PKD2: variants seen among roughly 807,000 people sequenced by gnomAD.
PKD2 encodes polycystin-2.
A neutral mutation model predicts 105.9 loss-of-function variants in PKD2; 48 were observed. The observed-to-expected ratio is 0.45, with a 90% confidence interval of 0.36 to 0.58. The LOEUF is 0.58. Among genes scored for constraint, PKD2 ranks in the 20% least tolerant of loss-of-function variants. The pLI, the probability that PKD2 is intolerant of heterozygous loss-of-function variation, is 0.00. For synonymous variants in PKD2, 464 were observed against 481.1 expected (o/e 0.96, Z 0.46); for missense variants, 1,078 against 1,255.3 (o/e 0.86, Z 2.13).
chr4:88,011,188 A>G (rs1046247025), intron 1 of PKD2, among the ~76,000 whole-genome samples: 3 of 152,186 alleles, frequency 2.0e-5, no homozygotes, highest in Admixed American at 6.5e-5. Context: ...TTTCTTAGCA[A>G]ATTCTTTTTA....
In PKD2 at chr4:88,046,721, A is replaced by G. The variant is rs202245969; in HGVS notation, c.1399A>G (p.Thr467Ala). 11 of 1,613,652 alleles carry G rather than the reference A, an allele frequency of 6.8e-6. No homozygotes were observed. In the East Asian group the frequency reaches 2.5e-4, roughly 36 times the overall value. ...GCCTTTAAAGCTGATCCGATATGTCACAACTTTTGATTTCTTCCTGGCAGC... is the reference window on the plus strand; with the variant it reads ...GCCTTTAAAGCTGATCCGATATGTCGCAACTTTTGATTTCTTCCTGGCAGC... ...FQPLKLIRYV[T>A]TFDFFLAACE... Residue 467 changes from threonine to alanine, a missense_variant, in exon 6 of 15, where the codon ACA becomes GCA. By Grantham distance (58) the Thr-to-Ala change is moderately conservative (BLOSUM62 0). Coordinates refer to ENST00000237596, the MANE Select transcript of PKD2 (RefSeq NM_000297.4).
intron 2 of PKD2, among the ~76,000 whole-genome samples, chr4:88,023,127 A>G (rs374465327): frequency 2.6e-5 from 4 of 152,028 alleles, no homozygotes; most frequent in Admixed American, 2.0e-4. Context: ...AAATAAATAA[A>G]TAGAAAAGAA....
Position 88,008,134 on chromosome 4 carries a change from T to G in PKD2, c.401T>G (p.Val134Gly). Reference protein sequence around the residue: ...RSAASSAVSSVGARSRGLGGY... With the variant: ...RSAASSAVSSGGARSRGLGGY... The stretch of plus-strand genomic sequence containing the variant: ...GCCGCCTCCTCGGCCGTGAGCTCCG[T>G]GGGCGCGCGGAGCCGGGGGCTTGGG... Residue 134 changes from valine (V) to glycine (G), a missense_variant, in exon 1 of 15, where the codon GTG (valine) becomes GGG (glycine). This residue lies in a region of PKD2 where 868 missense variants were observed against 1,067.3 expected (regional missense o/e 0.81). Transcript: ENST00000237596. 1 of 1,488,980 alleles carries G rather than the reference T, an allele frequency of 6.7e-7. No homozygotes were observed. Among genetic ancestry groups the G allele is most frequent in the Non-Finnish European group, 8.9e-7 (1 of 1,123,814 alleles). The allele number at this position is 1,488,980 out of a possible 1,614,324, so 92.2% of individuals were successfully genotyped here.
intron 1 of PKD2, among the ~76,000 whole-genome samples, chr4:88,012,110 C>T (rs977988341): frequency 2.0e-5 from 3 of 152,198 alleles, no homozygotes; most frequent in Non-Finnish European, 2.9e-5. Context: ...TTGAGAAACC[C>T]TGCCCTAGAC....
chr4:88,034,113 C>T (rs1727250931), intron 2 of PKD2, among the ~76,000 whole-genome samples: 2 of 152,110 alleles, frequency 1.3e-5, no homozygotes, highest in Admixed American at 1.3e-4. Flanking sequence ...CAAGACAGTT[C>T]TGAGAGGTAG....
intron 1 of PKD2, among the ~76,000 whole-genome samples, chr4:88,018,120 C>G (rs538534463): frequency 2.6e-5 from 4 of 152,316 alleles, no homozygotes; most frequent in African/African-American, 9.6e-5. Flanking sequence ...AATTCCCTGA[C>G]AACTACCAGA....
chr4:88,019,354 C>T, intron 1 of PKD2, 104 bp from the exon 2 acceptor site: 2 of 686,128 alleles, frequency 2.9e-6, no homozygotes, highest in East Asian at 2.8e-5. Context: ...GAGAATCTCC[C>T]TTATAGGTGA....
chr4:88,012,859 A>T (rs1226005945), intron 1 of PKD2, among the ~76,000 whole-genome samples: 1 of 152,152 alleles, frequency 6.6e-6, no homozygotes, highest in Non-Finnish European at 1.5e-5. Flanking sequence ...TTATTCACTT[A>T]GCATAGTATT....
intron 13 of PKD2, among the ~76,000 whole-genome samples, chr4:88,069,590 A>G (rs1720937637): frequency 6.6e-6 from 1 of 152,002 alleles, no homozygotes; most frequent in South Asian, 2.1e-4. Flanking sequence ...ATATTCATCT[A>G]TCTATATGTA....
At chr4:88,038,522 G>T in intron 4 of PKD2, 21 bp downstream of exon 4, 1 of 1,612,116 alleles carries the variant, frequency 6.2e-7, no homozygotes, top group Non-Finnish European at 8.5e-7. Flanking sequence ...GTGACTCATT[G>T]CCACTCGGTG....
At chr4:88,045,274 GTCACATA>G (rs1727724824) in intron 5 of PKD2, among the ~76,000 whole-genome samples, 1 of 152,198 alleles carries the variant, frequency 6.6e-6, no homozygotes, top group South Asian at 2.1e-4. Flanking sequence ...CAATGAAGCT[GTCACATA>G]CAAGGCTCTT....
intron 2 of PKD2, among the ~76,000 whole-genome samples, chr4:88,024,227 C>A (rs1412686853): frequency 6.6e-6 from 1 of 151,706 alleles, no homozygotes; most frequent in Non-Finnish European, 1.5e-5. Flanking sequence ...GAGGCCGAGG[C>A]AGGCAGATCA....
intron 7 of PKD2, among the ~76,000 whole-genome samples, chr4:88,054,087 TAGTAATAATAATCA>T (rs1421418947): frequency 6.6e-6 from 1 of 151,762 alleles, no homozygotes; most frequent in South Asian, 2.1e-4. Context: ...ATAATCAAGA[TAGTAATAATAATCA>T]AGATAGTAAT....
chr4:88,053,797 A>G (rs759656366), intron 7 of PKD2, among the ~76,000 whole-genome samples: 1 of 152,190 alleles, frequency 6.6e-6, no homozygotes. Context: ...AGCAAAAATA[A>G]TAATAGTAAT....
At chr4:88,021,045 T>C (rs1395405716) in intron 2 of PKD2, among the ~76,000 whole-genome samples, 2 of 152,242 alleles carry the variant, frequency 1.3e-5, no homozygotes, top group Non-Finnish European at 2.9e-5. Flanking sequence ...TTGAGTTTGC[T>C]GCCTGCATTA....
chr4:88,027,674 T>C (rs1727004358), intron 2 of PKD2, among the ~76,000 whole-genome samples: 1 of 152,212 alleles, frequency 6.6e-6, no homozygotes, highest in South Asian at 2.1e-4. Context: ...GGTTTGACTC[T>C]GTGTCTCCAC....
intron 10 of PKD2, among the ~76,000 whole-genome samples, chr4:88,064,591 T>A (rs1720715433): frequency 6.6e-6 from 1 of 152,106 alleles, no homozygotes; most frequent in South Asian, 2.1e-4. Context: ...AGGTCTAAAG[T>A]TCGCTAATGA....
In PKD2 at chr4:88,038,429, T is replaced by A; in HGVS notation, c.1022T>A (p.Ile341Asn). 6.2e-7 allele frequency: 1 copy of A among 1,613,562 alleles called. No homozygotes were observed. The highest frequency in any genetic ancestry group is 8.5e-7 in the Non-Finnish European group (1 of 1,179,542). The stretch of plus-strand genomic sequence containing the variant: ...ATCCCCCAGGACTTGAGAGATGAAA[T>A]TAAAGAGTGCTATGATGTCTACTCT... The part of the protein sequence containing the change: ...CSIPQDLRDE[I>N]KECYDVYSVS... Residue 341 changes from isoleucine (I) to asparagine (N), a missense_variant, in exon 4 of 15, where the codon ATT becomes AAT. By Grantham distance (149) the Ile-to-Asn change is moderately radical. Coordinates refer to ENST00000237596, the MANE Select transcript of PKD2 (RefSeq NM_000297.4).
rs562972225 is a variant in PKD2, at chr4:88,007,683, C to T, written c.-51C>T. 4.5e-6 allele frequency: 5 copies of T among 1,112,318 alleles called. No homozygotes were observed. Among genetic ancestry groups the T allele is most frequent in the African/African-American group, 3.4e-5 (2 of 59,438 alleles). The allele number at this position is 1,112,318 out of a possible 1,614,324, so 68.9% of individuals were successfully genotyped here. A position where few individuals can be genotyped will look rare whatever the true frequency, so the allele number is the denominator to read the frequency against. On this transcript the variant is annotated 5_prime_UTR_variant, in exon 1 of 15. Transcript: ENST00000237596. ...AAAGGAACATGGCTCCTGAGGCGCA[C>T]AGCGCCGAGCGCGGCGCCGCGCACC...
Sources: allele counts gnomAD v4.1 joint callset (sites outside exome capture counted in the v4.1 genomes callset), GRCh38; gene constraint gnomAD v4.1.1; regional missense constraint gnomAD v4.1.1; transcripts MANE v1.5; gene names NCBI Gene and HGNC (gene_info 2026-07-23, HGNC 2026-07-21).